The following SOX5 variants were observed in gnomAD, a reference collection of about 807,000 sequenced individuals.
SOX5 encodes the protein SRY-box transcription factor 5.
Under a neutral mutation model 92.0 loss-of-function variants are expected in SOX5, and 9 were observed. The ratio of observed to expected loss-of-function variants is 0.10; its 90% CI spans 0.06 to 0.17. The LOEUF (loss-of-function observed/expected upper bound fraction) is 0.17, where lower values mean the gene tolerates loss of function less well. SOX5 is among the 10% of genes least tolerant of loss of function. The pLI is 1.00. For synonymous variants in SOX5, 344 were observed against 336.3 expected, an observed-to-expected ratio of 1.02 and a Z score of -0.25; for missense variants, 642 against 944.5, an observed-to-expected ratio of 0.68 and a Z score of 4.20.
intron 3 of SOX5, among the ~76,000 whole-genome samples, chr12:23,794,670 T>C (rs1275556406): frequency 6.6e-6 from 1 of 152,154 alleles, no homozygotes; most frequent in Non-Finnish European, 1.5e-5. Flanking sequence ...TTAAAAACTA[T>C]TTCTGTAAAA....
intron 1 of SOX5, among the ~76,000 whole-genome samples, chr12:24,469,163 G>A (rs1456316870): frequency 6.6e-6 from 1 of 152,152 alleles, no homozygotes; most frequent in Non-Finnish European, 1.5e-5. Flanking sequence ...TTCTCGTAAG[G>A]AATGTGCAAC....
intron 5 of SOX5, among the ~76,000 whole-genome samples, chr12:23,738,779 G>C (rs2093693786): frequency 1.3e-5 from 2 of 152,126 alleles, no homozygotes; most frequent in South Asian, 2.1e-4. Context: ...AAGCTCCTAG[G>C]ATTCTCCAGA....
chr12:23,982,012 A>G (rs1949617988), intron 4 of SOX5, among the ~76,000 whole-genome samples: 1 of 152,152 alleles, frequency 6.6e-6, no homozygotes, highest in Non-Finnish European at 1.5e-5. Flanking sequence ...AGACCATATC[A>G]TTTTCTATAT....
intron 9 of SOX5, among the ~76,000 whole-genome samples, chr12:23,583,805 C>T (rs1182143997): frequency 6.6e-6 from 1 of 152,084 alleles, no homozygotes; most frequent in Non-Finnish European, 1.5e-5. Context: ...GTGTTTTTGA[C>T]ACCACCTGAT....
chr12:23,539,320 A>G (rs375583187), intron 13 of SOX5, among the ~76,000 whole-genome samples: 3 of 152,174 alleles, frequency 2.0e-5, no homozygotes, highest in Non-Finnish European at 4.4e-5. Flanking sequence ...GTGAATACAG[A>G]AAGTTATAGT....
intron 4 of SOX5, among the ~76,000 whole-genome samples, chr12:23,966,203 C>CGAAAAAAA (rs1947546017): frequency 3.5e-5 from 2 of 57,308 alleles, no homozygotes; most frequent in East Asian, 9.0e-4. Context: ...ACTCAATATC[C>CGAAAAAAA]AAAAAAAAAA....
intron 6 of SOX5, among the ~76,000 whole-genome samples, chr12:23,676,690 T>C (rs746765632): frequency 6.6e-6 from 1 of 152,224 alleles, no homozygotes. Context: ...AATAAACCTC[T>C]GAACTATGTA....
chr12:24,489,386 T>C (rs762629950), intron 1 of SOX5, among the ~76,000 whole-genome samples: 16 of 152,106 alleles, frequency 1.1e-4, no homozygotes, highest in South Asian at 2.1e-4. Context: ...GTGAAATCTG[T>C]TTGGGAGTGG....
chr12:23,607,102 T>G (rs568824008), intron 8 of SOX5, among the ~76,000 whole-genome samples: 1 of 152,300 alleles, frequency 6.6e-6, no homozygotes, highest in South Asian at 2.1e-4. Context: ...AGAGGACAAA[T>G]TTTAGAATTA....
chr12:24,473,327 G>C (rs1297306910), intron 1 of SOX5, among the ~76,000 whole-genome samples: 1 of 152,198 alleles, frequency 6.6e-6, no homozygotes, highest in Non-Finnish European at 1.5e-5. Flanking sequence ...CAGATTTCAA[G>C]CTACCCTGCC....
chr12:24,304,949 C>T lies in SOX5; in HGVS notation c.-173-27637G>A, dbSNP rs187536353. 3.9e-5 allele frequency among the ~76,000 whole-genome samples: 6 copies of T among 152,260 alleles called. No homozygotes were observed. In the East Asian group the frequency reaches 1.2e-3, roughly 29 times the overall value. On this transcript the variant is annotated intron_variant, in intron 2 of 4. Coordinates refer to the SOX5 transcript ENST00000446891. ...AGTTCCTCAGGAAGTCTTGCTACCACAACACAAAGACAACTGAATAACCTA... is the reference window on the plus strand; with the variant it reads ...AGTTCCTCAGGAAGTCTTGCTACCATAACACAAAGACAACTGAATAACCTA...
At chr12:23,835,499 A>G (rs1325566080) in intron 3 of SOX5, among the ~76,000 whole-genome samples, 12 of 151,768 alleles carry the variant, frequency 7.9e-5, no homozygotes, top group African/African-American at 2.9e-4. Flanking sequence ...GCCCTCAGAC[A>G]TTTTTCTAAA....
intron 14 of SOX5, among the ~76,000 whole-genome samples, chr12:23,535,577 T>G (rs1413416883): frequency 1.3e-5 from 2 of 152,226 alleles, no homozygotes; most frequent in Non-Finnish European, 2.9e-5. Context: ...TATTCATTCG[T>G]ATGTTTACTA....
At chr12:24,170,033 T>C (rs12314522) in intron 4 of SOX5, among the ~76,000 whole-genome samples, 45,988 of 145,558 alleles carry the variant, frequency 0.32, 8,090 homozygotes, top group East Asian at 0.84. Flanking sequence ...GAATTTTTTT[T>C]CAGAGGAGAG....
chr12:24,123,666 C>A (rs573899615), intron 4 of SOX5, among the ~76,000 whole-genome samples: 1 of 152,302 alleles, frequency 6.6e-6, no homozygotes, highest in South Asian at 2.1e-4. Context: ...AAGATATACA[C>A]CTTTCTTCTT....
Position 23,673,160 on chromosome 12 carries a change from T to C in SOX5, c.811-7596A>G, listed in dbSNP as rs531101321. On this transcript the variant is annotated intron_variant, in intron 6 of 14. Transcript: ENST00000451604. ...ACACAGCTATTTCATTTGCTAAAAA[T>C]TGTTTTGAGCTGAATAAATGAATTC... 2.0e-5 allele frequency among the ~76,000 whole-genome samples: 3 copies of C among 152,258 alleles called. No individual in the cohort carries two copies. In the East Asian group the frequency reaches 5.8e-4, roughly 29 times the overall value.
At chr12:23,798,632 AACACACAC>A (rs750957122) in intron 3 of SOX5, among the ~76,000 whole-genome samples, 1 of 150,052 alleles carries the variant, frequency 6.7e-6, no homozygotes, top group Non-Finnish European at 1.5e-5. Context: ...TCTCTCTTAC[AACACACAC>A]ACACACACAT....
chr12:24,031,858 G>T (rs560214020), intron 4 of SOX5, among the ~76,000 whole-genome samples: 1 of 151,698 alleles, frequency 6.6e-6, no homozygotes, highest in Admixed American at 6.6e-5. Flanking sequence ...AAAGTTCTAT[G>T]GTCCCAAATG....
At chr12:23,972,357 GTTTGT>G (rs935409135) in intron 4 of SOX5, among the ~76,000 whole-genome samples, 1 of 151,876 alleles carries the variant, frequency 6.6e-6, no homozygotes, top group Non-Finnish European at 1.5e-5. Context: ...TTTTTTGTTT[GTTTGT>G]TTTGTTTTGT....
Sources: allele counts gnomAD v4.1 joint callset (sites outside exome capture counted in the v4.1 genomes callset), GRCh38; gene constraint gnomAD v4.1.1; transcripts MANE v1.5; gene names NCBI Gene and HGNC (gene_info 2026-07-23, HGNC 2026-07-21).